ZNF532: variants seen among roughly 807,000 people sequenced by gnomAD.
ZNF532 encodes the protein zinc finger protein 532.
A neutral mutation model predicts 89.3 loss-of-function variants in ZNF532; 22 were observed. The ratio of observed to expected loss-of-function variants is 0.25; its 90% CI spans 0.18 to 0.35. ZNF532 has a LOEUF of 0.35. Among genes scored for constraint, ZNF532 ranks in the 10% least tolerant of loss-of-function variants. ZNF532 has a pLI of 1.00. For synonymous variants in ZNF532, 606 were observed against 649.6 expected (o/e 0.93, Z 1.02); for missense variants, 1,132 against 1,643.4 (o/e 0.69, Z 5.38).
At position 58,865,184 on chromosome 18, in the gene ZNF532, T is replaced by G. The variant is rs1348479695; in HGVS notation, c.-329T>G. The G allele has an allele frequency of 6.6e-6, 1 of 151,450 alleles. No homozygotes were observed. The highest frequency in any genetic ancestry group is 1.5e-5 in the Non-Finnish European group (1 of 67,848). 9.4% of individuals were successfully genotyped at this position (151,450 alleles called of 1,614,324 possible). A position where few individuals can be genotyped will look rare whatever the true frequency, so the allele number is the denominator to read the frequency against. On this transcript the variant is annotated 5_prime_UTR_variant, in exon 1 of 10. Transcript: ENST00000591808. The stretch of plus-strand genomic sequence containing the variant: ...GGGTGGGGACACTTGGTTGATGCAG[T>G]CTCTCTCTCTCTTTCTCGGTGTTTA...
chr18:58,946,853 C>T (rs559385895), intron 5 of ZNF532, among the ~76,000 whole-genome samples: 4 of 151,838 alleles, frequency 2.6e-5, no homozygotes, highest in East Asian at 1.9e-4. Context: ...ATAAATCTTA[C>T]GGGGAAAAAG....
At chr18:58,942,340 TCCC>T (rs1568382934) in intron 5 of ZNF532, among the ~76,000 whole-genome samples, 729 of 31,722 alleles carry the variant, frequency 0.023, 18 homozygotes, top group South Asian at 0.035. Flanking sequence ...CCTCCCTCCC[TCCC>T]TCCCTCCCTT....
At chr18:58,902,495 CT>C (rs1325440125) in intron 2 of ZNF532, among the ~76,000 whole-genome samples, 353 of 141,906 alleles carry the variant, frequency 2.5e-3, no homozygotes, top group Middle Eastern at 3.6e-3. Flanking sequence ...CCTTCTCCTT[CT>C]TTTTTTTTTT....
chr18:58,926,403 T>A (rs2061527275), intron 3 of ZNF532: 1 of 152,274 alleles, frequency 6.6e-6, no homozygotes, highest in Non-Finnish European at 1.5e-5. Flanking sequence ...AATGGCGCGA[T>A]CTCAGGTCAC....
At chr18:58,917,867 G>A (rs1046329592) in intron 2 of ZNF532, among the ~76,000 whole-genome samples, 21 of 152,146 alleles carry the variant, frequency 1.4e-4, no homozygotes, top group Admixed American at 1.4e-3. Context: ...TGATGGTGAC[G>A]ATGATAGTGA....
At chr18:58,980,582 C>T (rs747020073) in intron 8 of ZNF532, 2 of 152,202 alleles carry the variant, frequency 1.3e-5, no homozygotes, top group African/African-American at 4.8e-5. Context: ...TTTTGTCCTT[C>T]CCTCAGTAGC....
chr18:58,957,233 A>G (rs2064867495), intron 7 of ZNF532, among the ~76,000 whole-genome samples: 1 of 152,144 alleles, frequency 6.6e-6, no homozygotes, highest in Non-Finnish European at 1.5e-5. Flanking sequence ...GTATTTGGCT[A>G]AAGGTCTCAG....
At position 58,888,723 on chromosome 18, in the gene ZNF532, A is replaced by AT. The variant is rs1462434685; in HGVS notation, c.-18+23145dup. Among the ~76,000 whole-genome samples, 16 of 36,800 alleles carry AT rather than the reference A, an allele frequency of 4.3e-4. 2 individuals are homozygous for AT. Among genetic ancestry groups the AT allele is most frequent in the African/African-American group, 2.4e-3 (16 of 6,768 alleles). The allele number at this position is 36,800 out of a possible 152,430, so 24.1% of individuals were successfully genotyped here. On this transcript the variant is annotated intron_variant, in intron 2 of 9. Coordinates refer to ENST00000591808, the MANE Select transcript of ZNF532 (RefSeq NM_001375912.1). Reference sequence around the variant, plus strand: ...TATATATATATATATATATATATATATAAATTATATATATATATTTTATAT... The same window carrying AT: ...TATATATATATATATATATATATATATTAAATTATATATATATATTTTATAT...
At chr18:58,917,771 A>ATTC (rs2060712918) in intron 2 of ZNF532, among the ~76,000 whole-genome samples, 3 of 151,824 alleles carry the variant, frequency 2.0e-5, no homozygotes, top group Middle Eastern at 3.4e-3. Context: ...GTGGATGCTG[A>ATTC]TTTCTTTCTT....
At chr18:58,981,404 G>GT (rs1568476476) in intron 8 of ZNF532, 66 bp from the exon 9 acceptor site, 31 of 1,569,486 alleles carry the variant, frequency 2.0e-5, no homozygotes, top group Non-Finnish European at 2.7e-5. Flanking sequence ...ACCTTCGACC[G>GT]TGAGTTCTTC....
At chr18:58,968,724 T>A (rs1421530121) in intron 7 of ZNF532, among the ~76,000 whole-genome samples, 9 of 152,224 alleles carry the variant, frequency 5.9e-5, no homozygotes, top group Non-Finnish European at 8.8e-5. Context: ...ATTAGGTTTC[T>A]TCATTGAATC....
chr18:58,913,643 A>G (rs906338284), intron 2 of ZNF532, among the ~76,000 whole-genome samples: 1 of 152,118 alleles, frequency 6.6e-6, no homozygotes, highest in African/African-American at 2.4e-5. Context: ...TTAAAAATTC[A>G]GCGGAATAAA....
rs1157726841 is a variant in ZNF532 at position 58,985,048 on chromosome 18, G to T, written c.*582G>T. On this transcript the variant is annotated 3_prime_UTR_variant, in exon 10 of 10. Transcript: ENST00000591808. Reference sequence around the variant, plus strand: ...TGCACTCCAGTGTGGACGTGCCTTTGTCTTCAGGCCATGCCGAAGGGTGTT... The same window carrying T: ...TGCACTCCAGTGTGGACGTGCCTTTTTCTTCAGGCCATGCCGAAGGGTGTT... 1.3e-5 allele frequency: 2 copies of T among 152,882 alleles called. No homozygotes were observed. Among genetic ancestry groups the T allele is most frequent in the African/African-American group, 4.8e-5 (2 of 41,410 alleles). The allele number at this position is 152,882 out of a possible 1,614,324, so 9.5% of individuals were successfully genotyped here.
At chr18:58,960,949 G>A (rs566149366) in intron 7 of ZNF532, among the ~76,000 whole-genome samples, 1 of 152,314 alleles carries the variant, frequency 6.6e-6, no homozygotes, top group Admixed American at 6.5e-5. Context: ...ATATGGCTTA[G>A]CTAAGTTCTA....
intron 2 of ZNF532, among the ~76,000 whole-genome samples, chr18:58,868,510 C>T (rs1486755271): frequency 1.3e-5 from 2 of 152,186 alleles, no homozygotes; most frequent in African/African-American, 4.8e-5. Flanking sequence ...CATCCACTGT[C>T]TCACTATAGG....
At chr18:58,879,300 C>T (rs2057694087) in intron 2 of ZNF532, among the ~76,000 whole-genome samples, 2 of 152,190 alleles carry the variant, frequency 1.3e-5, no homozygotes, top group African/African-American at 4.8e-5. Context: ...ATTGGCAAAA[C>T]AATTAATTAA....
chr18:58,915,793 G>A (rs2060560978), intron 2 of ZNF532, among the ~76,000 whole-genome samples: 1 of 152,192 alleles, frequency 6.6e-6, no homozygotes, highest in East Asian at 1.9e-4. Context: ...TCATGTGGTT[G>A]TATGTTCTGG....
intron 3 of ZNF532, among the ~76,000 whole-genome samples, chr18:58,933,669 C>A (rs1236265651): frequency 6.6e-6 from 1 of 151,998 alleles, no homozygotes; most frequent in Non-Finnish European, 1.5e-5. Flanking sequence ...TAAAAATATA[C>A]CATGTTTAGT....
chr18:58,960,682 G>A (rs898252514), intron 7 of ZNF532, among the ~76,000 whole-genome samples: 2 of 152,190 alleles, frequency 1.3e-5, no homozygotes, highest in Non-Finnish European at 1.5e-5. Context: ...ACTGTTGACA[G>A]ATTCTGTCTG....
Sources: allele counts gnomAD v4.1 joint callset (sites outside exome capture counted in the v4.1 genomes callset), GRCh38; gene constraint gnomAD v4.1.1; transcripts MANE v1.5; gene names NCBI Gene and HGNC (gene_info 2026-07-23, HGNC 2026-07-21).